NLGN1: variants seen among roughly 807,000 people sequenced by gnomAD.
NLGN1 encodes neuroligin 1, also known as neuroligin-1.
In NLGN1, 12 loss-of-function variants were observed where a neutral mutation model predicts 65.5. That is an observed-to-expected ratio of 0.18 (90% CI 0.12 to 0.30). The LOEUF is 0.30. NLGN1 is among the 10% of genes least tolerant of loss of function. The pLI, the probability that NLGN1 is intolerant of heterozygous loss-of-function variation, is 1.00. For synonymous variants in NLGN1, 350 were observed against 359.5 expected (o/e 0.97, Z 0.30); for missense variants, 750 against 1,007.1 (o/e 0.74, Z 3.46).
intron 3 of NLGN1, among the ~76,000 whole-genome samples, chr3:173,736,596 T>C (rs1279920307): frequency 6.6e-6 from 1 of 151,916 alleles, no homozygotes; most frequent in Non-Finnish European, 1.5e-5. Context: ...AAGTCCTCCA[T>C]CTTTTTAGAA....
chr3:174,181,894 T>G (rs2152747519), intron 4 of NLGN1, among the ~76,000 whole-genome samples: 1 of 141,514 alleles, frequency 7.1e-6, no homozygotes, highest in South Asian at 2.2e-4. Context: ...GAAAATCACA[T>G]GAGCCCAGGG....
chr3:174,290,280 G>A (rs577685470), downstream of NLGN1, among the ~76,000 whole-genome samples: 8 of 150,852 alleles, frequency 5.3e-5, no homozygotes, highest in South Asian at 1.7e-3. Context: ...TCAATTCAGA[G>A]ACAGACCAGT....
chr3:173,946,468 A>G (rs1747171647), intron 4 of NLGN1, among the ~76,000 whole-genome samples: 1 of 152,218 alleles, frequency 6.6e-6, no homozygotes. Flanking sequence ...TATTTTTAAT[A>G]TCACTCTAGC....
intron 4 of NLGN1, among the ~76,000 whole-genome samples, chr3:173,808,427 T>C (rs1340812657): frequency 6.6e-6 from 1 of 152,140 alleles, no homozygotes; most frequent in Non-Finnish European, 1.5e-5. Flanking sequence ...GAATGATAAA[T>C]ACAAAGTGGA....
intron 4 of NLGN1, among the ~76,000 whole-genome samples, chr3:173,927,345 G>C (rs1743193935): frequency 1.3e-5 from 2 of 152,178 alleles, no homozygotes. Flanking sequence ...ACAGGCATGA[G>C]CCGCCATGCC....
intron 2 of NLGN1, among the ~76,000 whole-genome samples, chr3:173,490,089 A>G (rs1267406162): frequency 1.3e-5 from 2 of 152,022 alleles, no homozygotes; most frequent in Non-Finnish European, 2.9e-5. Context: ...CTTTAGTTTA[A>G]TTTGATCCCA....
At chr3:173,786,890 A>G (rs1226080101) in intron 3 of NLGN1, among the ~76,000 whole-genome samples, 1 of 152,172 alleles carries the variant, frequency 6.6e-6, no homozygotes. Context: ...CACCTGGCCA[A>G]CATAGTGAAA....
intron 4 of NLGN1, among the ~76,000 whole-genome samples, chr3:173,938,235 C>T (rs1442584658): frequency 6.6e-6 from 1 of 152,150 alleles, no homozygotes; most frequent in African/African-American, 2.4e-5. Flanking sequence ...TAGAATGATA[C>T]TTTCCAGTGC....
chr3:173,415,943 A>AGAGAGAGAGAGAGAGAGAGCGAGAGC (rs141095727), intron 1 of NLGN1, among the ~76,000 whole-genome samples: 2 of 142,886 alleles, frequency 1.4e-5, no homozygotes, highest in African/African-American at 5.6e-5. Context: ...AGAGAGAGAG[A>AGAGAGAGAGAGAGAGAGAGCGAGAGC]GCTTGGTATA....
At chr3:173,618,823 G>A (rs1290692614) in intron 3 of NLGN1, among the ~76,000 whole-genome samples, 1 of 152,062 alleles carries the variant, frequency 6.6e-6, no homozygotes, top group African/African-American at 2.4e-5. Context: ...CTAGGAGTGA[G>A]AGATAAAGCT....
intron 4 of NLGN1, among the ~76,000 whole-genome samples, chr3:173,862,474 C>G (rs1162586380): frequency 1.5e-5 from 2 of 136,252 alleles, no homozygotes; most frequent in Non-Finnish European, 3.1e-5. Context: ...CCACTGCACT[C>G]CAGCCTGGGC....
chr3:174,272,726 T>TAGAA lies in NLGN1; in HGVS notation c.647-2586_647-2585insAAGA. ...AGATAGATATAGATAGATAGAAAGA[T>TAGAA]AGATAGATGATAGATAACATACACA... is the stretch of plus-strand genomic sequence containing the variant. On this transcript the variant is annotated intron_variant, in intron 4 of 6. Transcript: ENST00000457714. 2.0e-5 allele frequency among the ~76,000 whole-genome samples: 3 copies of TAGAA among 151,160 alleles called. No individual in the cohort carries two copies. The Admixed American group carries it at 2.0e-4, about 10-fold the overall frequency.
At chr3:173,971,129 ATT>A (rs760050459) in intron 4 of NLGN1, among the ~76,000 whole-genome samples, 14 of 152,160 alleles carry the variant, frequency 9.2e-5, no homozygotes, top group South Asian at 4.1e-4. Flanking sequence ...TTATTTGAAA[ATT>A]ATGTGGAAAA....
chr3:173,642,133 T>C (rs191244332), intron 3 of NLGN1, among the ~76,000 whole-genome samples: 37 of 152,034 alleles, frequency 2.4e-4, no homozygotes, highest in African/African-American at 8.7e-4. Context: ...TTGCCTAAAG[T>C]AACCAAAACA....
intron 2 of NLGN1, among the ~76,000 whole-genome samples, chr3:173,539,533 A>G (rs1291645837): frequency 2.1e-5 from 3 of 143,866 alleles, no homozygotes; most frequent in Non-Finnish European, 3.0e-5. Context: ...GTATATATAC[A>G]TATGTATATA....
intron 3 of NLGN1, among the ~76,000 whole-genome samples, chr3:173,614,210 G>C (rs1420671720): frequency 6.6e-6 from 1 of 152,022 alleles, no homozygotes; most frequent in Non-Finnish European, 1.5e-5. Flanking sequence ...CAGGGGTAGA[G>C]GGATAAGTAT....
chr3:173,518,825 C>A (rs945293753), intron 2 of NLGN1, among the ~76,000 whole-genome samples: 1 of 152,130 alleles, frequency 6.6e-6, no homozygotes, highest in Admixed American at 6.6e-5. Flanking sequence ...GAAATTCAAG[C>A]TGGCTGCAGA....
intron 2 of NLGN1, among the ~76,000 whole-genome samples, chr3:173,592,008 GTCA>G (rs1748575925): frequency 6.6e-6 from 1 of 152,102 alleles, no homozygotes. Context: ...GGATCACAGG[GTCA>G]TCAATTGGTT....
intron 4 of NLGN1, among the ~76,000 whole-genome samples, chr3:174,106,863 C>A (rs1370649681): frequency 1.3e-5 from 2 of 151,838 alleles, no homozygotes; most frequent in African/African-American, 2.4e-5. Context: ...AGAATTCACC[C>A]TTTCTCCTTT....
Sources: gnomAD v4.1 joint callset for allele counts (sites outside exome capture counted in the v4.1 genomes callset) on GRCh38, gnomAD v4.1.1 for gene constraint, MANE v1.5 for transcripts, NCBI Gene and HGNC (gene_info 2026-07-23, HGNC 2026-07-21) for gene names.